Variants in GPR22 observed in about 807,000 individuals in gnomAD.
GPR22 encodes G protein-coupled receptor 22.
In GPR22, 13 loss-of-function variants were observed where a neutral mutation model predicts 31.0. The ratio of observed to expected loss-of-function variants is 0.42; its 90% confidence interval spans 0.27 to 0.67. The LOEUF is 0.67. Among genes scored for constraint, GPR22 ranks in the 30% least tolerant of loss-of-function variants. The probability of loss-of-function intolerance (pLI) is 0.25; values close to 1 mark genes in which losing one functional copy is unlikely to be tolerated. For synonymous variants in GPR22, 191 were observed against 173.4 expected, an observed-to-expected ratio of 1.10 and a Z score of -0.80; for missense variants, 368 against 509.6, an observed-to-expected ratio of 0.72 and a Z score of 2.67.
chr7:107,476,183 T>TAAA (rs1563056700), downstream of GPR22, among the ~76,000 whole-genome samples: 335 of 86,318 alleles, frequency 3.9e-3, 5 homozygotes, highest in African/African-American at 0.014. Flanking sequence ...TGCAATGATT[T>TAAA]TAAAAAAAAA....
At chr7:107,470,953 C>T (rs1796597746) in intron 1 of GPR22, among the ~76,000 whole-genome samples, 1 of 151,772 alleles carries the variant, frequency 6.6e-6, no homozygotes, top group Non-Finnish European at 1.5e-5. Flanking sequence ...AAAATTCAAA[C>T]CATGTGCTAA....
In GPR22 at chr7:107,475,402, T is replaced by C; in HGVS notation, c.*40T>C. 1 of 946,570 alleles carries C rather than the reference T, an allele frequency of 1.1e-6. No homozygotes were observed. Among genetic ancestry groups the C allele is most frequent in the Non-Finnish European group, 1.6e-6 (1 of 639,964 alleles). 58.6% of individuals were successfully genotyped at this position (946,570 alleles called of 1,614,324 possible). A position where few individuals can be genotyped will look rare whatever the true frequency, so the allele number is the denominator to read the frequency against. On this transcript the variant is annotated 3_prime_UTR_variant, in exon 3 of 3. Coordinates refer to ENST00000304402, the MANE Select transcript of GPR22 (RefSeq NM_005295.3). The stretch of plus-strand genomic sequence containing the variant: ...TTCACCAAATCCACATTCAAATGAG[T>C]TTTAAATTTAAATTGTAAAAACTGA...
rs1796867721 is a variant in GPR22 at position 107,474,777 on chromosome 7, T to C, written c.717T>C (p.Asn239=). ...ITYTKILQAL[N]IRIGTRFSTG... ...ACACCAAAATACTTCAGGCTCTTAATATTCGAATAGGCACAAGATTTTCAA... is the reference window on the plus strand; with the variant it reads ...ACACCAAAATACTTCAGGCTCTTAACATTCGAATAGGCACAAGATTTTCAA... The change falls in exon 3 of 3, where the codon AAT becomes AAC. Residue 239 remains asparagine (N), a synonymous_variant. Coordinates refer to ENST00000304402, the MANE Select transcript of GPR22 (RefSeq NM_005295.3). The surrounding 1 kb of genome is among the most constrained non-coding windows in gnomAD (Gnocchi z 5.7). The C allele has an allele frequency of 6.2e-7, 1 of 1,611,540 alleles. No homozygotes were observed. Among genetic ancestry groups the C allele is most frequent in the Admixed American group, 1.7e-5 (1 of 59,522 alleles).
Position 107,471,916 on chromosome 7 carries a change from T to A in GPR22, c.-413T>A, listed in dbSNP as rs564343277. On this transcript the variant is annotated 5_prime_UTR_variant, in exon 2 of 3. An upstream open reading frame in the 5' UTR gains an earlier in-frame stop. Coordinates refer to ENST00000304402, the MANE Select transcript of GPR22 (RefSeq NM_005295.3). Reference sequence around the variant, plus strand: ...ATCAAAAGGACATGGCCTGGATTTATAATATAAAGCAAGTTATGTGATCAA... The same window carrying A: ...ATCAAAAGGACATGGCCTGGATTTAAAATATAAAGCAAGTTATGTGATCAA... 2 of 152,150 alleles carry A rather than the reference T, an allele frequency of 1.3e-5. No homozygotes were observed. Among genetic ancestry groups the A allele is most frequent in the East Asian group, 3.9e-4 (2 of 5,178 alleles). The allele number at this position is 152,150 out of a possible 1,614,324, so 9.4% of individuals were successfully genotyped here.
intron 2 of GPR22, among the ~76,000 whole-genome samples, chr7:107,473,288 A>G (rs1401906281): frequency 6.6e-6 from 1 of 151,944 alleles, no homozygotes. Flanking sequence ...GTCACAAAAT[A>G]AATCATTTCA....
At position 107,475,387 on chromosome 7, in the gene GPR22, C is replaced by A; in HGVS notation, c.*25C>A. 2.8e-6 allele frequency: 3 copies of A among 1,069,698 alleles called. No homozygotes were observed. The highest frequency in any genetic ancestry group is 1.8e-5 in the South Asian group (1 of 55,384). 66.3% of individuals were successfully genotyped at this position (1,069,698 alleles called of 1,614,324 possible). ...GAGAAAAGTCTCAGTTTCACCAAAT[C>A]CACATTCAAATGAGTTTTAAATTTA... On this transcript the variant is annotated 3_prime_UTR_variant, in exon 3 of 3. Coordinates refer to ENST00000304402, the MANE Select transcript of GPR22 (RefSeq NM_005295.3).
chr7:107,474,118 C>T lies in GPR22; in HGVS notation c.58C>T (p.Arg20Ter), dbSNP rs775834757. The change falls in exon 3 of 3, where the codon CGA becomes TGA. Residue 20 changes from arginine to a stop codon, truncating the protein, a stop_gained. Transcript: ENST00000304402. LOFTEE classifies it high-confidence loss of function. The surrounding 1 kb of genome is among the most constrained non-coding windows in gnomAD (Gnocchi z 5.7). ...GCAGTCTGAATCTAACATTACAGTG[C>T]GAGATGACATTGATGACATCAACAC... is the stretch of plus-strand genomic sequence containing the variant. ...NMQSESNITV[R>*]DDIDDINTNM... 4.4e-6 allele frequency: 7 copies of T among 1,606,884 alleles called. No homozygotes were observed. The highest frequency in any genetic ancestry group is 1.7e-5 in the Admixed American group (1 of 59,650).
chr7:107,470,667 A>G (rs1796581425), intron 1 of GPR22, among the ~76,000 whole-genome samples: 2 of 152,114 alleles, frequency 1.3e-5, no homozygotes, highest in African/African-American at 4.8e-5. Context: ...ATTCATTATG[A>G]AGACAGCTTT....
At position 107,475,090 on chromosome 7, in the gene GPR22, C is replaced by A; in HGVS notation, c.1030C>A (p.Leu344Ile). The change falls in exon 3 of 3, where the codon CTT (leucine) becomes ATT (isoleucine). Residue 344 changes from leucine to isoleucine, a missense_variant. By Grantham distance (5) the Leu-to-Ile change is conservative. Transcript: ENST00000304402. ...TTILCLGPSD[L>I]LVKLRLCFLV... is the part of the protein sequence containing the mutation. ...CATTTTATGTTTAGGCCCAAGTGACCTTTTAGTAAAATTAAGATTGTGTTT... is the reference window on the plus strand; with the variant it reads ...CATTTTATGTTTAGGCCCAAGTGACATTTTAGTAAAATTAAGATTGTGTTT... 6.2e-7 allele frequency: 1 copy of A among 1,612,778 alleles called. No individual in the cohort carries two copies. The highest frequency in any genetic ancestry group is 1.3e-5 in the African/African-American group (1 of 74,960).
intron 1 of GPR22, among the ~76,000 whole-genome samples, chr7:107,470,977 T>C (rs1345661570): frequency 6.6e-6 from 1 of 151,964 alleles, no homozygotes; most frequent in Non-Finnish European, 1.5e-5. Flanking sequence ...TTAGGCAAGT[T>C]ACAATATTTT....
chr7:107,470,631 T>C (rs976413036), intron 1 of GPR22, among the ~76,000 whole-genome samples, 186 bp downstream of exon 1: 5 of 152,132 alleles, frequency 3.3e-5, no homozygotes, highest in Non-Finnish European at 7.4e-5. Context: ...TTAGGATGCA[T>C]TGTTAAATAC....
At position 107,474,755 on chromosome 7, in the gene GPR22, C is replaced by G; in HGVS notation, c.695C>G (p.Thr232Ser). ...GTTGTAGTAATGTTAATCACATACA[C>G]CAAAATACTTCAGGCTCTTAATATT... The part of the protein sequence containing the change: ...FTVVVMLITY[T>S]KILQALNIRI... The change falls in exon 3 of 3, where the codon ACC becomes AGC. Residue 232 changes from threonine to serine, a missense_variant. By Grantham distance (58) the Thr-to-Ser change is moderately conservative. Coordinates refer to ENST00000304402, the MANE Select transcript of GPR22 (RefSeq NM_005295.3). This position sits in a 1 kb window ranked among gnomAD's most constrained non-coding sequence, Gnocchi z 5.7. The G allele has an allele frequency of 6.2e-7, 1 of 1,610,348 alleles. No homozygotes were observed. The highest frequency in any genetic ancestry group is 8.5e-7 in the Non-Finnish European group (1 of 1,177,972).
chr7:107,477,663 T>C (rs1316208870), downstream of GPR22, among the ~76,000 whole-genome samples: 1 of 151,782 alleles, frequency 6.6e-6, no homozygotes, highest in Non-Finnish European at 1.5e-5. Flanking sequence ...ATCAGAAAAC[T>C]TCTAACAGCT....
downstream of GPR22, among the ~76,000 whole-genome samples, chr7:107,476,056 TGC>T (rs1796958363): frequency 6.6e-6 from 1 of 151,038 alleles, no homozygotes; most frequent in Non-Finnish European, 1.5e-5. Flanking sequence ...AAGGACAGTA[TGC>T]CTATAATATA....
Position 107,474,911 on chromosome 7 carries a change from T to C in GPR22, c.851T>C (p.Val284Ala). ...GGTGGGAGAAATGTAGTCTTTGGTG[T>C]AAGAACTTCAGTTTCTGTAATAATT... ...SSGGRNVVFGVRTSVSVIIAL... is the reference protein window; with the variant it reads ...SSGGRNVVFGARTSVSVIIAL... Residue 284 changes from valine to alanine, a missense_variant, in exon 3 of 3, where the codon GTA (valine) becomes GCA (alanine). Coordinates refer to ENST00000304402, the MANE Select transcript of GPR22 (RefSeq NM_005295.3). This position sits in a 1 kb window ranked among gnomAD's most constrained non-coding sequence, Gnocchi z 5.7. 1 of 1,613,230 alleles carries C rather than the reference T, an allele frequency of 6.2e-7. No homozygotes were observed. Among genetic ancestry groups the C allele is most frequent in the Non-Finnish European group, 8.5e-7 (1 of 1,179,510 alleles).
Position 107,474,042 on chromosome 7 carries a change from A to C in GPR22, c.-19A>C, listed in dbSNP as rs1448594465. 1.4e-6 allele frequency: 2 copies of C among 1,411,008 alleles called. No homozygotes were observed. The highest frequency in any genetic ancestry group is 2.9e-5 in the African/African-American group (2 of 69,776). 87.4% of individuals were successfully genotyped at this position (1,411,008 alleles called of 1,614,324 possible). ...TTCTATTTCACTTTCTAGGGAAAAAAACCAACTGCTCCAAAAGAATGTGTT... is the reference window on the plus strand; with the variant it reads ...TTCTATTTCACTTTCTAGGGAAAAACACCAACTGCTCCAAAAGAATGTGTT... On this transcript the variant is annotated 5_prime_UTR_variant, in exon 3 of 3. Transcript: ENST00000304402. The surrounding 1 kb of genome is among the most constrained non-coding windows in gnomAD (Gnocchi z 5.7).
chr7:107,476,969 T>C (rs1440740314), downstream of GPR22, among the ~76,000 whole-genome samples: 1 of 151,690 alleles, frequency 6.6e-6, no homozygotes, highest in African/African-American at 2.4e-5. Context: ...CTGATAATAA[T>C]GTTAACATAA....
At position 107,475,314 on chromosome 7, in the gene GPR22, T is replaced by G. The variant is rs780617291; in HGVS notation, c.1254T>G (p.Asp418Glu). 2 of 1,576,716 alleles carry G rather than the reference T, an allele frequency of 1.3e-6. No homozygotes were observed. The highest frequency in any genetic ancestry group is 1.7e-6 in the Non-Finnish European group (2 of 1,165,922). ...PKRNKKITFE[D>E]SEIREKCLVP... The stretch of plus-strand genomic sequence containing the variant: ...GAAACAAAAAAATTACCTTTGAAGA[T>G]AGTGAAATAAGAGAAAAATGTTTAG... Residue 418 changes from aspartate (D) to glutamate (E), a missense_variant, in exon 3 of 3, where the codon GAT (aspartate) becomes GAG (glutamate). Transcript: ENST00000304402.
At chr7:107,473,303 A>C (rs867409750) in intron 2 of GPR22, among the ~76,000 whole-genome samples, 1 of 151,926 alleles carries the variant, frequency 6.6e-6, no homozygotes, top group African/African-American at 2.4e-5. Context: ...ATTTCATAGG[A>C]GTGATTAATG....
Sources: gnomAD v4.1 joint callset for allele counts (sites outside exome capture counted in the v4.1 genomes callset) on GRCh38, gnomAD v4.1.1 for gene constraint, Gnocchi (gnomAD v3.1) non-coding constraint, MANE v1.5 for transcripts, NCBI Gene and HGNC (gene_info 2026-07-23, HGNC 2026-07-21) for gene names.